The following RBFOX1 variants were observed in gnomAD, a reference collection of about 807,000 sequenced individuals.
RBFOX1 encodes the protein RNA binding fox-1 homolog 1.
In RBFOX1, 8 loss-of-function variants were observed where a neutral mutation model predicts 57.7. The observed-to-expected ratio is 0.14, with a 90% CI of 0.08 to 0.25. The LOEUF (loss-of-function observed/expected upper bound fraction) is 0.25. Among genes scored for constraint, RBFOX1 ranks in the 10% least tolerant of loss-of-function variants. The probability of loss-of-function intolerance (pLI) is 1.00; values close to 1 mark genes in which losing one functional copy is unlikely to be tolerated. For missense variants in RBFOX1, 611 were observed against 548.5 expected, an observed-to-expected ratio of 1.11 and a Z score of -1.14; for synonymous variants, 326 against 222.4, an observed-to-expected ratio of 1.47 and a Z score of -4.15.
intron 3 of RBFOX1, among the ~76,000 whole-genome samples, chr16:6,736,652 T>C (rs1404978416): frequency 1.3e-5 from 2 of 152,240 alleles, no homozygotes; most frequent in Non-Finnish European, 2.9e-5. Flanking sequence ...AATAATGACA[T>C]CTTTTCATCT....
chr16:6,162,263 A>G (rs1350362481), intron 1 of RBFOX1, among the ~76,000 whole-genome samples: 2 of 152,062 alleles, frequency 1.3e-5, no homozygotes, highest in African/African-American at 4.8e-5. Flanking sequence ...GATTACAGGC[A>G]CACCACTACA....
intron 4 of RBFOX1, among the ~76,000 whole-genome samples, chr16:7,239,349 A>G (rs1283282439): frequency 6.6e-6 from 1 of 152,108 alleles, no homozygotes; most frequent in Non-Finnish European, 1.5e-5. Flanking sequence ...AAGTACAAAA[A>G]TTAGCCAGGC....
rs898365184 is a variant in RBFOX1 at position 5,817,088 on chromosome 16, C to G, written c.319-50215C>G. On this transcript the variant is annotated intron_variant, in intron 3 of 19. Coordinates refer to the RBFOX1 transcript ENST00000641259. ...CAGACATATCCCATTTTGGGTTCAG[C>G]TGAGGATATCCCCTTTCCTGTACAT... 3.9e-5 allele frequency among the ~76,000 whole-genome samples: 6 copies of G among 152,184 alleles called. No homozygotes were observed. In the South Asian group the frequency reaches 1.2e-3, roughly 32 times the overall value.
At chr16:7,327,806 A>G (rs716566) in intron 4 of RBFOX1, among the ~76,000 whole-genome samples, 70,820 of 129,178 alleles carry the variant, frequency 0.55, 18,754 homozygotes, top group East Asian at 0.88. Context: ...CCATTAAACA[A>G]TATTACCTTT....
At chr16:7,222,495 C>T (rs145571371) in intron 4 of RBFOX1, among the ~76,000 whole-genome samples, 2 of 152,296 alleles carry the variant, frequency 1.3e-5, no homozygotes, top group Non-Finnish European at 2.9e-5. Context: ...AAGGAAGTGA[C>T]AACCTAATGC....
At chr16:7,667,001 C>T (rs916416432) in intron 13 of RBFOX1, among the ~76,000 whole-genome samples, 2 of 152,162 alleles carry the variant, frequency 1.3e-5, no homozygotes, top group African/African-American at 2.4e-5. Context: ...TTTCAGGCCA[C>T]GACCCCCAGC....
At chr16:5,851,575 G>C (rs1188241247) in intron 3 of RBFOX1, among the ~76,000 whole-genome samples, 3 of 152,194 alleles carry the variant, frequency 2.0e-5, no homozygotes, top group Non-Finnish European at 4.4e-5. Flanking sequence ...GCCCAGCCCA[G>C]CTGAAGCAAT....
At chr16:6,662,263 G>A (rs191060485) in intron 3 of RBFOX1, among the ~76,000 whole-genome samples, 71 of 152,296 alleles carry the variant, frequency 4.7e-4, no homozygotes, top group African/African-American at 1.6e-3. Context: ...AATGCGGTAA[G>A]AGAGTAGATC....
chr16:6,530,798 G>T (rs938066904), intron 2 of RBFOX1, among the ~76,000 whole-genome samples: 1 of 146,984 alleles, frequency 6.8e-6, no homozygotes, highest in Non-Finnish European at 1.5e-5. Flanking sequence ...CACTAAAACA[G>T]CACGGGAAAC....
intron 3 of RBFOX1, among the ~76,000 whole-genome samples, chr16:6,930,585 C>T (rs2065631405): frequency 6.6e-6 from 1 of 151,908 alleles, no homozygotes; most frequent in African/African-American, 2.4e-5. Flanking sequence ...AATTTTGGTA[C>T]TTTTAGTAGA....
At chr16:6,863,867 TG>T (rs1197309229) in intron 3 of RBFOX1, among the ~76,000 whole-genome samples, 3 of 151,648 alleles carry the variant, frequency 2.0e-5, no homozygotes, top group Non-Finnish European at 4.4e-5. Context: ...AGTTCTTTAC[TG>T]GTATTTTGAA....
At chr16:6,608,680 A>G (rs981195058) in intron 2 of RBFOX1, among the ~76,000 whole-genome samples, 6 of 152,186 alleles carry the variant, frequency 3.9e-5, no homozygotes, top group African/African-American at 1.2e-4. Flanking sequence ...GGTGAGGTAG[A>G]AGGATGACTT....
chr16:5,316,407 T>A (rs1014633300), intron 1 of RBFOX1, among the ~76,000 whole-genome samples: 1 of 152,148 alleles, frequency 6.6e-6, no homozygotes, highest in African/African-American at 2.4e-5. Flanking sequence ...ACATGGGCAG[T>A]CTCCAGTGAA....
At chr16:7,032,223 G>A (rs569933954) in intron 3 of RBFOX1, among the ~76,000 whole-genome samples, 5 of 151,926 alleles carry the variant, frequency 3.3e-5, no homozygotes, top group African/African-American at 4.8e-5. Context: ...TCAGGAGTTC[G>A]AGACCAGACT....
intron 4 of RBFOX1, among the ~76,000 whole-genome samples, chr16:7,361,898 A>AT (rs563194124): frequency 7.2e-6 from 1 of 138,610 alleles, no homozygotes. Flanking sequence ...TAGTATGTGT[A>AT]TTTTTTTGTG....
At chr16:6,743,418 A>G (rs1270083865) in intron 3 of RBFOX1, among the ~76,000 whole-genome samples, 1 of 152,198 alleles carries the variant, frequency 6.6e-6, no homozygotes, top group Non-Finnish European at 1.5e-5. Context: ...AGGCTGTGTT[A>G]TAAGAAGCAC....
intron 4 of RBFOX1, among the ~76,000 whole-genome samples, chr16:7,346,765 C>T (rs1054935594): frequency 5.3e-5 from 8 of 152,158 alleles, no homozygotes; most frequent in Admixed American, 3.9e-4. Context: ...CCATAAGATT[C>T]ATGAGACCCA....
intron 2 of RBFOX1, among the ~76,000 whole-genome samples, chr16:6,443,003 C>G (rs961054364): frequency 3.3e-5 from 5 of 152,206 alleles, no homozygotes; most frequent in Admixed American, 3.3e-4. Flanking sequence ...TACCAGGAAT[C>G]TGTACTTGGA....
At chr16:6,110,552 A>G (rs763116015) in intron 1 of RBFOX1, among the ~76,000 whole-genome samples, 1 of 152,186 alleles carries the variant, frequency 6.6e-6, no homozygotes, top group Non-Finnish European at 1.5e-5. Flanking sequence ...GGCTGTTTCA[A>G]AAAACAAAAC....
Sources: gnomAD v4.1 joint callset for allele counts (sites outside exome capture counted in the v4.1 genomes callset) on GRCh38, gnomAD v4.1.1 for gene constraint, MANE v1.5 for transcripts, NCBI Gene and HGNC (gene_info 2026-07-23, HGNC 2026-07-21) for gene names.